The following NOP58 variants were observed in gnomAD, a reference collection of about 807,000 sequenced individuals.
NOP58 encodes the protein nucleolar protein 58.
NOP58 carries 44 observed loss-of-function variants against 71.2 expected under a neutral mutation model. The ratio of observed to expected loss-of-function variants is 0.62; its 90% CI spans 0.49 to 0.79. NOP58 has a LOEUF of 0.79. Among genes scored for constraint, NOP58 ranks in the 30% least tolerant of loss-of-function variants. The probability of loss-of-function intolerance (pLI) is 0.00; values close to 1 mark genes in which losing one functional copy is unlikely to be tolerated. For missense variants in NOP58, 538 were observed against 620.2 expected (o/e 0.87, Z 1.41); for synonymous variants, 228 against 200.3 (o/e 1.14, Z -1.17).
At chr2:202,302,126 C>T (rs1394619320) in intron 13 of NOP58, among the ~76,000 whole-genome samples, 1 of 125,486 alleles carries the variant, frequency 8.0e-6, no homozygotes, top group African/African-American at 3.1e-5. Flanking sequence ...CTCCCTCTGT[C>T]GCCCAGGCTG....
intron 1 of NOP58, among the ~76,000 whole-genome samples, chr2:202,272,470 C>T (rs912049283): frequency 6.6e-6 from 1 of 152,120 alleles, no homozygotes; most frequent in African/African-American, 2.4e-5. Flanking sequence ...AATTTAATCA[C>T]ACATGGTTGA....
chr2:202,301,743 A>C (rs1259564351), intron 13 of NOP58, among the ~76,000 whole-genome samples: 1 of 151,790 alleles, frequency 6.6e-6, no homozygotes, highest in Admixed American at 6.6e-5. Context: ...CATCTGCTCT[A>C]CTCTACCTGG....
chr2:202,287,845 C>A, intron 6 of NOP58, 121 bp downstream of exon 6: 1 of 766,918 alleles, frequency 1.3e-6, no homozygotes, highest in Non-Finnish European at 2.2e-6. Context: ...GGTGTGGTGG[C>A]TCAAGCCTTT....
intron 12 of NOP58, chr2:202,299,842 CTTTT>C (rs57184037): frequency 1.3e-4 from 17 of 127,214 alleles, no homozygotes; most frequent in Non-Finnish European, 2.0e-4. Flanking sequence ...TTTTGTTCTG[CTTTT>C]TTTTTTTTTT....
chr2:202,279,339 G>A (rs530050849), intron 3 of NOP58, among the ~76,000 whole-genome samples: 1 of 152,184 alleles, frequency 6.6e-6, no homozygotes, highest in South Asian at 2.1e-4. Context: ...AATATATTGA[G>A]CACATACTGA....
At chr2:202,284,946 T>A (rs1688764967) in intron 5 of NOP58, among the ~76,000 whole-genome samples, 1 of 152,206 alleles carries the variant, frequency 6.6e-6, no homozygotes, top group South Asian at 2.1e-4. Flanking sequence ...GGCTCACCCC[T>A]GTAATCCCAA....
rs1688866750 is a variant in NOP58 at position 202,290,378 on chromosome 2, A to G, written c.555A>G (p.Glu185=). ...ELNNYIMRCR[E]WYGWHFPELG... is the part of the protein sequence containing the mutation. ...ACAACTACATTATGCGATGTAGAGAATGGTATGGCTGGCATTTCCCTGAAT... is the reference window on the plus strand; with the variant it reads ...ACAACTACATTATGCGATGTAGAGAGTGGTATGGCTGGCATTTCCCTGAAT... Residue 185 remains glutamate (E), a synonymous_variant, in exon 7 of 15, where the codon GAA becomes GAG. Transcript: ENST00000264279. 2 of 1,606,830 alleles carry G rather than the reference A, an allele frequency of 1.2e-6. No individual in the cohort carries two copies. The highest frequency in any genetic ancestry group is 1.7e-6 in the Non-Finnish European group (2 of 1,173,860).
chr2:202,299,170 G>T (rs1173290454), intron 12 of NOP58, among the ~76,000 whole-genome samples: 1 of 151,980 alleles, frequency 6.6e-6, no homozygotes, highest in Non-Finnish European at 1.5e-5. Flanking sequence ...ATGTTGGCCA[G>T]GATGGTCTTG....
intron 3 of NOP58, among the ~76,000 whole-genome samples, chr2:202,279,915 A>C (rs1201821547): frequency 6.6e-6 from 1 of 152,210 alleles, no homozygotes; most frequent in African/African-American, 2.4e-5. Flanking sequence ...TGTACTGTCA[A>C]ATTCCTAGAC....
intron 2 of NOP58, chr2:202,275,648 G>C (rs929326376): frequency 1.3e-5 from 2 of 153,462 alleles, no homozygotes; most frequent in Admixed American, 1.3e-4. Context: ...TTCATTCTTA[G>C]TGTAGATGTT....
At chr2:202,270,285 C>T (rs955785381) in intron 1 of NOP58, among the ~76,000 whole-genome samples, 2 of 152,142 alleles carry the variant, frequency 1.3e-5, no homozygotes, top group Non-Finnish European at 2.9e-5. Context: ...TTGTGTTTGG[C>T]TTTTTTCACT....
intron 8 of NOP58, among the ~76,000 whole-genome samples, chr2:202,292,331 A>G (rs1688916877): frequency 6.6e-6 from 1 of 151,762 alleles, no homozygotes; most frequent in South Asian, 2.1e-4. Context: ...GCTGACTAAG[A>G]TTTTCAGGCA....
chr2:202,276,630 A>G (rs1688595099), intron 2 of NOP58: 1 of 334,702 alleles, frequency 3.0e-6, no homozygotes, highest in Non-Finnish European at 6.2e-6. Flanking sequence ...AGTTGAGCCC[A>G]GGAGTTCAAG....
In NOP58 at chr2:202,265,775, C is replaced by T. The variant is rs1264496434; in HGVS notation, c.-167C>T. The T allele has an allele frequency of 2.2e-5, 15 of 674,626 alleles. No homozygotes were observed. The highest frequency in any genetic ancestry group is 7.1e-5 in the African/African-American group (4 of 56,038). The allele number at this position is 674,626 out of a possible 1,614,324, so 41.8% of individuals were successfully genotyped here. A position where few individuals can be genotyped will look rare whatever the true frequency, so the allele number is the denominator to read the frequency against. On this transcript the variant is annotated 5_prime_UTR_variant, in exon 1 of 15. Transcript: ENST00000264279. ...GCGTTCGTGCGTCCTAGTTCCAGTA[C>T]AGCGTGGAGGGTTTAGGCAGCGTGT... is the stretch of plus-strand genomic sequence containing the variant.
intron 1 of NOP58, among the ~76,000 whole-genome samples, chr2:202,271,813 G>T (rs1688515151): frequency 6.6e-6 from 1 of 151,298 alleles, no homozygotes; most frequent in Admixed American, 6.6e-5. Context: ...ATGTCGCAGT[G>T]TGCACCTATA....
chr2:202,277,986 A>G lies in NOP58; in HGVS notation c.159A>G (p.Thr53=). ...AACATTTTGAGAAATTTCAGGATAC[A>G]GCAGAAGCATTAGCAGGTAAAGTAA... ...KLKHFEKFQD[T]AEALAAFTAL... The change falls in exon 3 of 15, where the codon ACA becomes ACG. Residue 53 remains threonine, a synonymous_variant. Transcript: ENST00000264279. 6.4e-7 allele frequency: 1 copy of G among 1,555,136 alleles called. No individual in the cohort carries two copies. Among genetic ancestry groups the G allele is most frequent in the Non-Finnish European group, 8.8e-7 (1 of 1,133,876 alleles).
chr2:202,286,348 C>CA lies in NOP58; in HGVS notation c.435-1305dup, dbSNP rs551363048. ...TGAAACCCCGTCTCTACTAAAAATACAAAAAAATTAGCCAGGCATGGTGGC... is the reference window on the plus strand; with the variant it reads ...TGAAACCCCGTCTCTACTAAAAATACAAAAAAAATTAGCCAGGCATGGTGGC... On this transcript the variant is annotated intron_variant, in intron 5 of 14. Transcript: ENST00000264279. 1.3e-3 allele frequency among the ~76,000 whole-genome samples: 180 copies of CA among 142,650 alleles called. 1 individual carries two copies. The highest frequency in any genetic ancestry group is 0.012 in the Admixed American group (175 of 14,066). The allele number at this position is 142,650 out of a possible 152,430, so 93.6% of individuals were successfully genotyped here. A position where few individuals can be genotyped will look rare whatever the true frequency, so the allele number is the denominator to read the frequency against.
rs1574389401 is a variant in NOP58 at position 202,297,871 on chromosome 2, A to C, written c.1233A>C (p.Lys411Asn). 1 of 1,585,712 alleles carries C rather than the reference A, an allele frequency of 6.3e-7. No homozygotes were observed. Among genetic ancestry groups the C allele is most frequent in the East Asian group, 2.3e-5 (1 of 44,434 alleles). ...TAAGAAAAATAAGTGGAACAGGAAA[A>C]GCATTAGCAAAAACAGAAAAATATG... ...RGIRKISGTGKALAKTEKYEH... is the reference protein window; with the variant it reads ...RGIRKISGTGNALAKTEKYEH... Residue 411 changes from lysine (K) to asparagine (N), a missense_variant, in exon 12 of 15, where the codon AAA becomes AAC. Physicochemically the swap from Lys to Asn is moderately conservative, Grantham distance 94. Transcript: ENST00000264279.
Position 202,295,818 on chromosome 2 carries a change from G to T in NOP58, c.1052G>T (p.Ser351Ile). Residue 351 changes from serine to isoleucine, a missense_variant, in exon 10 of 15, where the codon AGT (serine) becomes ATT (isoleucine). Coordinates refer to ENST00000264279, the MANE Select transcript of NOP58 (RefSeq NM_015934.5). Reference protein sequence around the residue: ...IYHASLVGQTSPKHKGKISRM... With the variant: ...IYHASLVGQTIPKHKGKISRM... ...CATGCTTCACTCGTGGGCCAGACAA[G>T]TCCCAAACACAAAGGAAAGGTGTGT... 1 of 1,583,230 alleles carries T rather than the reference G, an allele frequency of 6.3e-7. No individual in the cohort carries two copies. Among genetic ancestry groups the T allele is most frequent in the Non-Finnish European group, 8.6e-7 (1 of 1,168,388 alleles).
Sources: gnomAD v4.1 joint callset for allele counts (sites outside exome capture counted in the v4.1 genomes callset) on GRCh38, gnomAD v4.1.1 for gene constraint, MANE v1.5 for transcripts, NCBI Gene and HGNC (gene_info 2026-07-23, HGNC 2026-07-21) for gene names.